Variants in PLAGL1 observed in about 807,000 individuals in gnomAD.
PLAGL1 encodes zinc finger protein PLAGL1.
PLAGL1 carries 1 observed loss-of-function variant against 4.6 expected under a neutral mutation model. The ratio of observed to expected loss-of-function variants is 0.22; its 90% CI spans 0.08 to 1.03. The LOEUF is 1.03. PLAGL1 is among the 50% of genes least tolerant of loss of function. The probability of loss-of-function intolerance (pLI) is 0.58; values close to 1 mark genes in which losing one functional copy is unlikely to be tolerated. For synonymous variants in PLAGL1, 240 were observed against 237.8 expected (o/e 1.01, Z -0.08); for missense variants, 464 against 570.4 (o/e 0.81, Z 1.90).
intron 2 of PLAGL1, among the ~76,000 whole-genome samples, chr6:143,976,670 T>G (rs1424502942): frequency 6.6e-6 from 1 of 152,232 alleles, no homozygotes. Context: ...GAATATGTCT[T>G]GCTAAAGAAA....
intron 1 of PLAGL1, among the ~76,000 whole-genome samples, chr6:144,032,094 A>G (rs1441747267): frequency 1.3e-5 from 2 of 150,428 alleles, no homozygotes. Flanking sequence ...TATATGGTAT[A>G]TCAAGTTTCT....
At chr6:144,032,793 C>T (rs1425693487) in intron 1 of PLAGL1, among the ~76,000 whole-genome samples, 2 of 152,008 alleles carry the variant, frequency 1.3e-5, no homozygotes, top group African/African-American at 2.4e-5. Context: ...CTCCTGACCT[C>T]AAGTGATCCA....
At chr6:144,045,378 G>A (rs1448040884) in intron 1 of PLAGL1, among the ~76,000 whole-genome samples, 2 of 152,096 alleles carry the variant, frequency 1.3e-5, no homozygotes, top group Non-Finnish European at 2.9e-5. Flanking sequence ...AGGCAGGCCT[G>A]GTGGTGACAA....
chr6:144,000,240 A>G lies in PLAGL1; in HGVS notation c.-584+7850T>C, dbSNP rs147624477. On this transcript the variant is annotated intron_variant, in intron 1 of 7. Transcript: ENST00000674357. The surrounding 1 kb of genome is among the most constrained non-coding windows in gnomAD (Gnocchi z 4.1). ...AAGAATGCCCATGATCAGTACCACT[A>G]TTCTTCATTGTACTGGTTGTCCTAG... Among the ~76,000 whole-genome samples, 1 of 152,200 alleles carries G rather than the reference A, an allele frequency of 6.6e-6. No individual in the cohort carries two copies. The highest frequency in any genetic ancestry group is 2.4e-5 in the African/African-American group (1 of 41,458).
chr6:144,042,580 T>C (rs1018449040), intron 1 of PLAGL1, among the ~76,000 whole-genome samples: 2 of 152,234 alleles, frequency 1.3e-5, no homozygotes, highest in African/African-American at 4.8e-5. Context: ...ACTGTAGCCT[T>C]ATAGTATAGT....
intron 2 of PLAGL1, among the ~76,000 whole-genome samples, chr6:143,981,931 A>G (rs900277309): frequency 1.3e-5 from 2 of 152,098 alleles, no homozygotes; most frequent in African/African-American, 4.8e-5. Flanking sequence ...TATATGGTGG[A>G]CTTGGTTTTT....
At chr6:144,017,590 C>T (rs1342145146) in intron 1 of PLAGL1, among the ~76,000 whole-genome samples, 4 of 152,352 alleles carry the variant, frequency 2.6e-5, no homozygotes, top group Non-Finnish European at 5.9e-5. Context: ...GACTTTGGCA[C>T]CTGGGTGGTT....
Position 143,995,259 on chromosome 6 carries a change from A to T in PLAGL1, c.-583-10085T>A, listed in dbSNP as rs1791374518. On this transcript the variant is annotated intron_variant, in intron 1 of 7. Coordinates refer to ENST00000674357, the MANE Select transcript of PLAGL1 (RefSeq NM_001317162.2). This position sits in a 1 kb window ranked among gnomAD's most constrained non-coding sequence, Gnocchi z 4.4. The stretch of plus-strand genomic sequence containing the variant: ...CAATTTATCCTTAAAGTTAATTAAT[A>T]AAAAGCTTAAACTTCAGTATTATGC... Among the ~76,000 whole-genome samples the T allele has an allele frequency of 6.6e-6, 1 of 152,354 alleles. No homozygotes were observed. The highest frequency in any genetic ancestry group is 6.5e-5 in the Admixed American group (1 of 15,306).
At chr6:144,031,564 A>C (rs1796833839) in intron 1 of PLAGL1, among the ~76,000 whole-genome samples, 1 of 152,184 alleles carries the variant, frequency 6.6e-6, no homozygotes, top group Non-Finnish European at 1.5e-5. Flanking sequence ...ATTCTCATAC[A>C]TGTGGCTTGC....
At position 143,954,498 on chromosome 6, in the gene PLAGL1, C is replaced by T. The variant is rs930211075; in HGVS notation, c.-325+5971G>A. Among the ~76,000 whole-genome samples, 4 of 152,126 alleles carry T rather than the reference C, an allele frequency of 2.6e-5. No homozygotes were observed. The East Asian group carries it at 7.7e-4, about 29-fold the overall frequency. The stretch of plus-strand genomic sequence containing the variant: ...GGGGAACACTTGAGAACCCAGAGAG[C>T]ATCTGAGAGTCAACACCATGAGGCA... On this transcript the variant is annotated intron_variant, in intron 6 of 7. Transcript: ENST00000674357. The surrounding 1 kb of genome is among the most constrained non-coding windows in gnomAD (Gnocchi z 5.1).
At position 144,053,382 on chromosome 6, in the gene PLAGL1, C is replaced by T. The variant is rs902627487; in HGVS notation, c.-151+11086G>A. On this transcript the variant is annotated intron_variant, in intron 1 of 3. Coordinates refer to the PLAGL1 transcript ENST00000437412. This position sits in a 1 kb window ranked among gnomAD's most constrained non-coding sequence, Gnocchi z 4.0. Reference sequence around the variant, plus strand: ...ACTCCTGACCTCAGGTGATCAGCCACGATGGCCTCCCAAATTGCTGGTGTT... The same window carrying T: ...ACTCCTGACCTCAGGTGATCAGCCATGATGGCCTCCCAAATTGCTGGTGTT... Among the ~76,000 whole-genome samples, 46 of 152,154 alleles carry T rather than the reference C, an allele frequency of 3.0e-4. No individual in the cohort carries two copies. Among genetic ancestry groups the T allele is most frequent in the Admixed American group, 2.1e-3 (32 of 15,278 alleles).
intron 1 of PLAGL1, among the ~76,000 whole-genome samples, chr6:144,014,772 G>A (rs1032785119): frequency 6.6e-6 from 1 of 152,050 alleles, no homozygotes; most frequent in Non-Finnish European, 1.5e-5. Flanking sequence ...TAGAGACAGG[G>A]TTTTGCCACG....
intron 1 of PLAGL1, among the ~76,000 whole-genome samples, chr6:144,044,140 T>C (rs188357036): frequency 6.4e-4 from 98 of 152,318 alleles, no homozygotes; most frequent in Admixed American, 9.1e-4. Context: ...CCTGGATTCA[T>C]TGATTTTTTT....
rs992756298 is a variant in PLAGL1 at position 144,015,521 on chromosome 6, A to G, written c.-150-46543T>C. ...ATGGGAAAAAGTCTTCACAATGCAT[A>G]TATCTGACATAGGACTTGCACTAAA... On this transcript the variant is annotated intron_variant, in intron 1 of 3. Coordinates refer to the PLAGL1 transcript ENST00000437412. This position sits in a 1 kb window ranked among gnomAD's most constrained non-coding sequence, Gnocchi z 4.3. 3.3e-5 allele frequency among the ~76,000 whole-genome samples: 5 copies of G among 152,244 alleles called. No homozygotes were observed. The highest frequency in any genetic ancestry group is 7.3e-5 in the Non-Finnish European group (5 of 68,036).
intron 1 of PLAGL1, among the ~76,000 whole-genome samples, chr6:143,999,490 G>C (rs1428901251): frequency 6.6e-6 from 1 of 151,978 alleles, no homozygotes; most frequent in Non-Finnish European, 1.5e-5. Flanking sequence ...TTTTTGTTTA[G>C]TGACCATTTT....
chr6:143,987,833 C>T (rs980919156), intron 1 of PLAGL1, among the ~76,000 whole-genome samples: 1 of 152,128 alleles, frequency 6.6e-6, no homozygotes, highest in Non-Finnish European at 1.5e-5. Flanking sequence ...TCTGAAAACT[C>T]TGTCTAAAAC....
rs1342453332 is a variant in PLAGL1 at position 144,015,382 on chromosome 6, G to C, written c.-150-46404C>G. 6.6e-6 allele frequency among the ~76,000 whole-genome samples: 1 copy of C among 152,172 alleles called. No homozygotes were observed. The highest frequency in any genetic ancestry group is 2.4e-5 in the African/African-American group (1 of 41,444). ...GAAAACCTAGGGATAGGCAGAGACT[G>C]GCTGGACAGGACACAAGAAGCAATG... On this transcript the variant is annotated intron_variant, in intron 1 of 3. Transcript: ENST00000437412. This position sits in a 1 kb window ranked among gnomAD's most constrained non-coding sequence, Gnocchi z 4.3.
chr6:143,946,491 C>T lies in PLAGL1; in HGVS notation c.152+1494G>A, dbSNP rs918938249. Among the ~76,000 whole-genome samples the T allele has an allele frequency of 2.8e-4, 42 of 152,300 alleles. 1 individual carries two copies. The South Asian group carries it at 3.1e-3, about 11-fold the overall frequency. ...GTGATCAGCATTCAATACTTCTACT[C>T]GTGACAGCTAGAGGGAGGCCCATGT... On this transcript the variant is annotated intron_variant, in intron 7 of 7. Coordinates refer to ENST00000674357, the MANE Select transcript of PLAGL1 (RefSeq NM_001317162.2).
At chr6:144,009,391 T>C (rs1398737112), upstream of PLAGL1, among the ~76,000 whole-genome samples, 1 of 152,240 alleles carries the variant, frequency 6.6e-6, no homozygotes, top group African/African-American at 2.4e-5. Flanking sequence ...GGAGGGTTTA[T>C]AGAGTGCTGC....
Sources: gnomAD v4.1 joint callset for allele counts (sites outside exome capture counted in the v4.1 genomes callset) on GRCh38, gnomAD v4.1.1 for gene constraint, Gnocchi (gnomAD v3.1) non-coding constraint, MANE v1.5 for transcripts, NCBI Gene and HGNC (gene_info 2026-07-23, HGNC 2026-07-21) for gene names.